Variants in KCNH8 observed in about 807,000 individuals in gnomAD.
KCNH8 encodes voltage-gated delayed rectifier potassium channel KCNH8.
In KCNH8, 70 loss-of-function variants were observed where a neutral mutation model predicts 103.6. That is an observed-to-expected ratio of 0.68 (90% CI 0.56 to 0.82). KCNH8 has a LOEUF of 0.82. Ranked by LOEUF, KCNH8 falls within the 40% of genes least tolerant of loss-of-function variation. The pLI, the probability that KCNH8 is intolerant of heterozygous loss-of-function variation, is 0.00. For synonymous variants in KCNH8, 498 were observed against 489.4 expected, an observed-to-expected ratio of 1.02 and a Z score of -0.23; for missense variants, 1,217 against 1,329.9, an observed-to-expected ratio of 0.92 and a Z score of 1.32.
chr3:19,246,401 C>G (rs1457481115), intron 1 of KCNH8, among the ~76,000 whole-genome samples: 2 of 150,908 alleles, frequency 1.3e-5, no homozygotes, highest in South Asian at 2.1e-4. Context: ...CTCAGCCTCC[C>G]GAGTAGCTGG....
chr3:19,522,230 A>G (rs1397689114), intron 15 of KCNH8, among the ~76,000 whole-genome samples: 1 of 151,930 alleles, frequency 6.6e-6, no homozygotes, highest in East Asian at 1.9e-4. Context: ...ATTGAGGCTG[A>G]GAGGTCTCAT....
intron 3 of KCNH8, among the ~76,000 whole-genome samples, chr3:19,294,785 G>A (rs2064973879): frequency 6.6e-6 from 1 of 152,080 alleles, no homozygotes; most frequent in Admixed American, 6.5e-5. Context: ...GCCATAGGCT[G>A]TGGTAAGTAC....
At chr3:19,191,740 C>T (rs2063555248) in intron 1 of KCNH8, among the ~76,000 whole-genome samples, 1 of 151,774 alleles carries the variant, frequency 6.6e-6, no homozygotes, top group Admixed American at 6.6e-5. Context: ...GGAGGTCCCA[C>T]TTCTCAGTCT....
intron 11 of KCNH8, among the ~76,000 whole-genome samples, chr3:19,480,584 G>C: frequency 6.6e-6 from 1 of 152,158 alleles, no homozygotes; most frequent in Non-Finnish European, 1.5e-5. Context: ...AGCTCTTATA[G>C]AAATGTCTTC....
intron 11 of KCNH8, among the ~76,000 whole-genome samples, chr3:19,485,738 G>A (rs2068192675): frequency 1.3e-5 from 2 of 152,154 alleles, no homozygotes; most frequent in East Asian, 1.9e-4. Context: ...GCTGCTTTTC[G>A]AGCTTCTGAA....
intron 5 of KCNH8, among the ~76,000 whole-genome samples, chr3:19,381,707 GA>G (rs1019324370): frequency 1.3e-5 from 2 of 151,928 alleles, no homozygotes; most frequent in African/African-American, 2.4e-5. Flanking sequence ...AAAAAAAAGA[GA>G]AAAAAATCAG....
intron 3 of KCNH8, among the ~76,000 whole-genome samples, chr3:19,329,194 C>T (rs2065471020): frequency 6.6e-6 from 1 of 152,172 alleles, no homozygotes; most frequent in South Asian, 2.1e-4. Flanking sequence ...TTTATGGAGA[C>T]AGCTGTTTCA....
chr3:19,201,231 CAA>C (rs1170312203), intron 1 of KCNH8, among the ~76,000 whole-genome samples: 22 of 22,052 alleles, frequency 1.0e-3, no homozygotes, highest in African/African-American at 3.8e-3. Context: ...GACTCTGCCT[CAA>C]AAAAAAAAAA....
intron 5 of KCNH8, among the ~76,000 whole-genome samples, chr3:19,385,174 TAAAGG>T (rs899890650): frequency 4.0e-5 from 6 of 151,890 alleles, no homozygotes; most frequent in African/African-American, 1.5e-4. Flanking sequence ...AAAACTAGAA[TAAAGG>T]AAAGGAAGTT....
chr3:19,321,766 T>C (rs1475619388), intron 3 of KCNH8, among the ~76,000 whole-genome samples: 2 of 152,118 alleles, frequency 1.3e-5, no homozygotes, highest in African/African-American at 4.8e-5. Context: ...TGTCTAGTGC[T>C]GTCAGTGGGG....
At chr3:19,291,570 A>G (rs923220679) in intron 3 of KCNH8, among the ~76,000 whole-genome samples, 1 of 152,140 alleles carries the variant, frequency 6.6e-6, no homozygotes, top group African/African-American at 2.4e-5. Flanking sequence ...GAGTTTCTTA[A>G]TCCTGAGTTC....
chr3:19,191,246 C>G (rs907798445), intron 1 of KCNH8, among the ~76,000 whole-genome samples: 1 of 151,824 alleles, frequency 6.6e-6, no homozygotes, highest in Non-Finnish European at 1.5e-5. Context: ...TTAATACATT[C>G]TTTAACGTTC....
chr3:19,479,312 T>C (rs1398978947), intron 11 of KCNH8, among the ~76,000 whole-genome samples: 5 of 152,308 alleles, frequency 3.3e-5, no homozygotes, highest in South Asian at 2.1e-4. Context: ...AAAAGAATTA[T>C]CCTCTAAGTC....
At chr3:19,191,455 A>G (rs2125210041) in intron 1 of KCNH8, among the ~76,000 whole-genome samples, 1 of 151,884 alleles carries the variant, frequency 6.6e-6, no homozygotes, top group East Asian at 1.9e-4. Context: ...TGTAATTAGC[A>G]TAGTTCTTAT....
At chr3:19,414,747 AT>A (rs1490746327) in intron 7 of KCNH8, among the ~76,000 whole-genome samples, 2 of 151,956 alleles carry the variant, frequency 1.3e-5, no homozygotes, top group African/African-American at 2.4e-5. Flanking sequence ...ATTCTTGTAC[AT>A]TTTTTCATCT....
chr3:19,240,243 G>A (rs996980436), intron 1 of KCNH8, among the ~76,000 whole-genome samples: 1 of 151,874 alleles, frequency 6.6e-6, no homozygotes, highest in Non-Finnish European at 1.5e-5. Flanking sequence ...TTTTTGCTCT[G>A]TTTTTACTTA....
intron 15 of KCNH8, among the ~76,000 whole-genome samples, chr3:19,522,840 A>C (rs1488281594): frequency 6.6e-6 from 1 of 151,834 alleles, no homozygotes; most frequent in Admixed American, 6.6e-5. Flanking sequence ...ATTTTCCCAT[A>C]GCAAAAGATG....
intron 5 of KCNH8, among the ~76,000 whole-genome samples, chr3:19,387,775 C>G (rs1211779467): frequency 3.3e-5 from 5 of 152,000 alleles, no homozygotes; most frequent in Non-Finnish European, 5.9e-5. Flanking sequence ...TATTCTTTTA[C>G]TATTATCTCT....
chr3:19,491,371 G>A (rs768093276), intron 11 of KCNH8, among the ~76,000 whole-genome samples: 6 of 152,112 alleles, frequency 3.9e-5, no homozygotes, highest in Non-Finnish European at 8.8e-5. Context: ...TTATTCCTAT[G>A]TTTATGTACA....
Sources: gnomAD v4.1 joint callset for allele counts (sites outside exome capture counted in the v4.1 genomes callset) on GRCh38, gnomAD v4.1.1 for gene constraint, MANE v1.5 for transcripts, NCBI Gene and HGNC (gene_info 2026-07-23, HGNC 2026-07-21) for gene names.